The following ALS2 variants were observed in gnomAD, a reference collection of about 807,000 sequenced individuals.
The protein encoded by ALS2 is alsin Rho guanine nucleotide exchange factor ALS2, also known as alsin.
A neutral mutation model predicts 203.4 loss-of-function variants in ALS2; 117 were observed. That is an observed-to-expected ratio of 0.58 (90% CI 0.50 to 0.67). The LOEUF (loss-of-function observed/expected upper bound fraction) is 0.67, where lower values mean the gene tolerates loss of function less well. ALS2 is among the 30% of genes least tolerant of loss of function. The pLI is 0.00. For synonymous variants in ALS2, 718 were observed against 725.9 expected (o/e 0.99, Z 0.17); for missense variants, 1,715 against 1,989.4 (o/e 0.86, Z 2.62).
chr2:201,711,119 G>T lies in ALS2; in HGVS notation c.4005-11C>A, dbSNP rs1459313946. 6.0e-6 allele frequency: 9 copies of T among 1,488,126 alleles called. No homozygotes were observed. Among genetic ancestry groups the T allele is most frequent in the East Asian group, 2.3e-5 (1 of 44,214 alleles). 92.2% of individuals were successfully genotyped at this position (1,488,126 alleles called of 1,614,324 possible). On this transcript the variant is annotated splice_polypyrimidine_tract_variant and intron_variant, in intron 25 of 33. Coordinates refer to ENST00000264276, the MANE Select transcript of ALS2 (RefSeq NM_020919.4). Reference sequence around the variant, plus strand: ...CTCAGTATTTCTGGACTATAAAAAGGGAAAGAAAAGTCTGTTGTATTTCAC... The same window carrying T: ...CTCAGTATTTCTGGACTATAAAAAGTGAAAGAAAAGTCTGTTGTATTTCAC...
chr2:201,710,894 A>T (rs1689987631), intron 26 of ALS2, 97 bp downstream of exon 26: 1 of 816,020 alleles, frequency 1.2e-6, no homozygotes, highest in Non-Finnish European at 2.1e-6. Context: ...CAAAAACAGG[A>T]TTAGAATAAC....
chr2:201,727,463 G>A (rs1203888002), intron 16 of ALS2, among the ~76,000 whole-genome samples, 185 bp from the exon 17 acceptor site: 1 of 152,208 alleles, frequency 6.6e-6, no homozygotes, highest in Non-Finnish European at 1.5e-5. Flanking sequence ...TGTGCTGAAC[G>A]ATGGGGATGT....
chr2:201,728,788 A>G, intron 14 of ALS2, 148 bp from the exon 15 acceptor site: 2 of 1,074,692 alleles, frequency 1.9e-6, no homozygotes, highest in Non-Finnish European at 2.7e-6. Flanking sequence ...TATGGGATCT[A>G]AACACTTCAC....
At chr2:201,722,779 G>A (rs1690890020) in intron 23 of ALS2, 1 of 468,012 alleles carries the variant, frequency 2.1e-6, no homozygotes, top group African/African-American at 2.0e-5. Context: ...AATCTATAGA[G>A]TGATTAAGGG....
Position 201,763,954 on chromosome 2 carries a change from G to GT in ALS2, c.176-2137dup, listed in dbSNP as rs960360951. ...TTTAATTAATGAAGAAATAAGCACT[G>GT]TTTTTTTTCTCATAAGGCAGCAATT... On this transcript the variant is annotated intron_variant, in intron 3 of 33. Transcript: ENST00000264276. 5.3e-5 allele frequency among the ~76,000 whole-genome samples: 8 copies of GT among 151,866 alleles called. No individual in the cohort carries two copies. In the South Asian group the frequency reaches 1.5e-3, roughly 28 times the overall value.
At chr2:201,704,296 A>C in intron 32 of ALS2, 78 bp from the exon 33 acceptor site, 5 of 1,506,820 alleles carry the variant, frequency 3.3e-6, no homozygotes, top group Non-Finnish European at 4.6e-6. Flanking sequence ...TGATGGGAAA[A>C]AGAAAGAACA....
chr2:201,704,301 A>C (rs1559027935), intron 32 of ALS2, 83 bp from the exon 33 acceptor site: 1 of 1,500,580 alleles, frequency 6.7e-7, no homozygotes, highest in South Asian at 1.1e-5. Context: ...GGAAAAAGAA[A>C]GAACAGCTCA....
chr2:201,775,367 G>A (rs1190878896), intron 1 of ALS2, among the ~76,000 whole-genome samples: 2 of 152,090 alleles, frequency 1.3e-5, no homozygotes, highest in Admixed American at 1.3e-4. Context: ...TAAAGTCTGA[G>A]TTGGTTACAT....
At chr2:201,741,006 C>T (rs1692233414) in intron 11 of ALS2, among the ~76,000 whole-genome samples, 1 of 152,134 alleles carries the variant, frequency 6.6e-6, no homozygotes, top group Admixed American at 6.6e-5. Context: ...GAATAGAGAA[C>T]AAAACCTATA....
intron 13 of ALS2, among the ~76,000 whole-genome samples, chr2:201,732,419 A>T (rs1176228926): frequency 1.4e-5 from 2 of 147,896 alleles, no homozygotes; most frequent in South Asian, 4.3e-4. Flanking sequence ...AAAAAAAAAA[A>T]GTAGCCGGTG....
chr2:201,771,030 C>A (rs539918712), intron 1 of ALS2, among the ~76,000 whole-genome samples: 21 of 146,306 alleles, frequency 1.4e-4, no homozygotes, highest in African/African-American at 5.0e-4. Flanking sequence ...CTTTTTACAT[C>A]AGTATTTACA....
At chr2:201,764,172 T>TG (rs1176703933) in intron 3 of ALS2, among the ~76,000 whole-genome samples, 1 of 152,216 alleles carries the variant, frequency 6.6e-6, no homozygotes, top group African/African-American at 2.4e-5. Flanking sequence ...ATAAGCTCAC[T>TG]GGTTAAGCTC....
In ALS2 at chr2:201,707,856, C is replaced by T; in HGVS notation, c.4403+13G>A. 6.2e-7 allele frequency: 1 copy of T among 1,612,530 alleles called. No individual in the cohort carries two copies. The highest frequency in any genetic ancestry group is 2.2e-5 in the East Asian group (1 of 44,808). On this transcript the variant is annotated intron_variant, in intron 28 of 33. Coordinates refer to ENST00000264276, the MANE Select transcript of ALS2 (RefSeq NM_020919.4). ...ATTCCCTTTCTTCACTGTCCCCACCCAACTCCATTTACCCTGGCTCTGGTG... is the reference window on the plus strand; with the variant it reads ...ATTCCCTTTCTTCACTGTCCCCACCTAACTCCATTTACCCTGGCTCTGGTG...
Position 201,754,467 on chromosome 2 carries a change from A to G in ALS2, c.1640+36T>C, listed in dbSNP as rs761437160. 5.0e-6 allele frequency: 8 copies of G among 1,613,676 alleles called. No individual in the cohort carries two copies. The East Asian group carries it at 1.6e-4, about 31-fold the overall frequency. On this transcript the variant is annotated intron_variant, in intron 6 of 33. Transcript: ENST00000264276. ...TCCCAGGAGAGAGATTATTTGTTTA[A>G]GCCAACTTCTATCGGTAAATGTTGG...
In ALS2 at chr2:201,707,902, T is replaced by C. The variant is rs888377361; in HGVS notation, c.4370A>G (p.Lys1457Arg). 6.2e-6 allele frequency: 10 copies of C among 1,613,496 alleles called. No homozygotes were observed. Among genetic ancestry groups the C allele is most frequent in the South Asian group, 3.3e-5 (3 of 91,076 alleles). ...TGGTGATTCAGATCGGGAATCTGACTTCCCAGTGCAAAAAGACTTCCTTTC... is the reference window on the plus strand; with the variant it reads ...TGGTGATTCAGATCGGGAATCTGACCTCCCAGTGCAAAAAGACTTCCTTTC... ...PTERKSFCTG[K>R]SDSRSESPEP... Residue 1457 changes from lysine (K) to arginine (R), a missense_variant, in exon 28 of 34, where the codon AAG becomes AGG. Transcript: ENST00000264276.
intron 15 of ALS2, among the ~76,000 whole-genome samples, chr2:201,727,988 G>A (rs1243541991): frequency 6.6e-6 from 1 of 152,064 alleles, no homozygotes; most frequent in African/African-American, 2.4e-5. Flanking sequence ...TCTGCTGCAG[G>A]GCCCTCTTCA....
intron 25 of ALS2, 31 bp from the exon 26 acceptor site, chr2:201,711,139 T>C: frequency 7.4e-7 from 1 of 1,355,204 alleles, no homozygotes; most frequent in South Asian, 1.2e-5. Context: ...GTCTGTTGTA[T>C]TTCACATCAA....
At chr2:201,707,670 T>C (rs958706585) in intron 28 of ALS2, among the ~76,000 whole-genome samples, 199 bp downstream of exon 28, 1 of 152,038 alleles carries the variant, frequency 6.6e-6, no homozygotes, top group Non-Finnish European at 1.5e-5. Context: ...GATCAAGCAA[T>C]CCTCCCACCT....
In ALS2 at chr2:201,743,918, G is replaced by T. The variant is rs975070867; in HGVS notation, c.2170+340C>A. On this transcript the variant is annotated intron_variant, in intron 10 of 33. Coordinates refer to ENST00000264276, the MANE Select transcript of ALS2 (RefSeq NM_020919.4). ...GATAGTATACTGGAAGATCTCTTAG[G>T]ACCAGCAGGGGGAGAAGTGTTGTTT... 3.3e-5 allele frequency among the ~76,000 whole-genome samples: 5 copies of T among 152,168 alleles called. No homozygotes were observed. The South Asian group carries it at 1.0e-3, about 32-fold the overall frequency.
Sources: gnomAD v4.1 joint callset for allele counts (sites outside exome capture counted in the v4.1 genomes callset) on GRCh38, gnomAD v4.1.1 for gene constraint, MANE v1.5 for transcripts, NCBI Gene and HGNC (gene_info 2026-07-23, HGNC 2026-07-21) for gene names.